Variants in TNRC6B observed in about 807,000 individuals in gnomAD.
TNRC6B encodes trinucleotide repeat containing adaptor 6B.
Under a neutral mutation model 203.6 loss-of-function variants are expected in TNRC6B, and 52 were observed. The observed-to-expected ratio is 0.26, with a 90% confidence interval of 0.20 to 0.32. The LOEUF (loss-of-function observed/expected upper bound fraction) is 0.32, where lower values mean the gene tolerates loss of function less well. TNRC6B is among the 10% of genes least tolerant of loss of function. The probability of loss-of-function intolerance (pLI) is 1.00; values close to 1 mark genes in which losing one functional copy is unlikely to be tolerated. For synonymous variants in TNRC6B, 838 were observed against 845.7 expected (o/e 0.99, Z 0.16); for missense variants, 1,923 against 2,286.2 (o/e 0.84, Z 3.24).
At chr22:40,128,102 A>T (rs947469880) in intron 3 of TNRC6B, among the ~76,000 whole-genome samples, 3 of 152,218 alleles carry the variant, frequency 2.0e-5, no homozygotes, top group Non-Finnish European at 4.4e-5. Context: ...ATAAGAGAAC[A>T]TTCTTTTTAT....
chr22:40,181,746 C>A (rs182883489), intron 1 of TNRC6B, among the ~76,000 whole-genome samples: 4 of 151,702 alleles, frequency 2.6e-5, no homozygotes, highest in Non-Finnish European at 5.9e-5. Flanking sequence ...TTGAGACCAG[C>A]CTGGGCAACA....
chr22:40,319,789 T>C (rs1309060134), intron 21 of TNRC6B, among the ~76,000 whole-genome samples: 2 of 152,192 alleles, frequency 1.3e-5, no homozygotes, highest in African/African-American at 2.4e-5. Flanking sequence ...GGTATGTATG[T>C]ATAGGAAAAA....
intron 1 of TNRC6B, among the ~76,000 whole-genome samples, chr22:40,190,055 T>C (rs371838537): frequency 2.6e-5 from 4 of 152,354 alleles, no homozygotes; most frequent in East Asian, 1.9e-4. Flanking sequence ...AACCACATCC[T>C]AATTATAGAC....
intron 1 of TNRC6B, among the ~76,000 whole-genome samples, chr22:40,065,994 C>G (rs2146275822): frequency 6.6e-6 from 1 of 152,258 alleles, no homozygotes; most frequent in African/African-American, 2.4e-5. Context: ...CTCAGAGGGT[C>G]TCCTACAGAT....
At chr22:40,173,474 CAGAT>C (rs1319322998), upstream of TNRC6B, among the ~76,000 whole-genome samples, 1 of 145,540 alleles carries the variant, frequency 6.9e-6, no homozygotes, top group Non-Finnish European at 1.5e-5. Flanking sequence ...AACAACAAAA[CAGAT>C]ATATATATAA....
chr22:40,158,493 C>T (rs1373580827), intron 4 of TNRC6B, among the ~76,000 whole-genome samples: 1 of 152,132 alleles, frequency 6.6e-6, no homozygotes, highest in Non-Finnish European at 1.5e-5. Context: ...ACAAACCAGT[C>T]TTTATCTTTA....
chr22:40,250,886 T>TGCAA (rs1310414433), intron 2 of TNRC6B, among the ~76,000 whole-genome samples: 5 of 151,948 alleles, frequency 3.3e-5, no homozygotes, highest in Non-Finnish European at 5.9e-5. Context: ...GCATTCAAAA[T>TGCAA]GCAAGTAGCA....
rs937439297 is a variant in TNRC6B, at chr22:40,322,904, A to T, written c.5165A>T (p.Glu1722Val). The change falls in exon 23 of 23, where the codon GAA (glutamate) becomes GTA (valine). Residue 1722 changes from glutamate (E) to valine (V), a missense_variant. Coordinates refer to ENST00000454349, the MANE Select transcript of TNRC6B (RefSeq NM_001162501.2). ...TILAEFATDDEVSRFLAQAQP... is the reference protein window; with the variant it reads ...TILAEFATDDVVSRFLAQAQP... ...CTTGCTGAGTTTGCCACTGATGATG[A>T]AGTCAGCCGCTTTCTGGCACAAGCT... 3.7e-6 allele frequency: 6 copies of T among 1,613,950 alleles called. No individual in the cohort carries two copies. Among genetic ancestry groups the T allele is most frequent in the Middle Eastern group, 1.6e-4 (1 of 6,062 alleles).
At chr22:40,251,079 G>C in intron 2 of TNRC6B, 100 bp from the exon 3 acceptor site, 1 of 988,774 alleles carries the variant, frequency 1.0e-6, no homozygotes, top group East Asian at 2.9e-5. Context: ...CTGTGTGCCT[G>C]ACAGCTTGGA....
chr22:40,170,333 A>ATATATAGTTTATATATATATTATG (rs1238111330), intron 4 of TNRC6B, among the ~76,000 whole-genome samples: 62 of 79,378 alleles, frequency 7.8e-4, no homozygotes, highest in South Asian at 2.3e-3. Context: ...TATATATATT[A>ATATATAGTTTATATATATATTATG]TATATAGTTT....
intron 3 of TNRC6B, among the ~76,000 whole-genome samples, chr22:40,131,488 C>T (rs999465162): frequency 6.6e-6 from 1 of 151,436 alleles, no homozygotes; most frequent in Admixed American, 6.6e-5. Flanking sequence ...TAGATCATTC[C>T]TGAATTATGC....
rs1488765839 is a variant in TNRC6B at position 40,333,514 on chromosome 22, C to T, written c.*10273C>T. The T allele has an allele frequency of 6.6e-6, 1 of 152,638 alleles. No homozygotes were observed. Among genetic ancestry groups the T allele is most frequent in the Non-Finnish European group, 1.5e-5 (1 of 68,060 alleles). The allele number at this position is 152,638 out of a possible 1,614,324, so 9.5% of individuals were successfully genotyped here. On this transcript the variant is annotated 3_prime_UTR_variant, in exon 23 of 23. Coordinates refer to ENST00000454349, the MANE Select transcript of TNRC6B (RefSeq NM_001162501.2). ...CCACACAATACCTGGAGCTCTCAAC[C>T]TTTCTTGGTTCAGACACACACATAC...
At chr22:40,183,693 G>A (rs1426387857) in intron 1 of TNRC6B, among the ~76,000 whole-genome samples, 1 of 151,210 alleles carries the variant, frequency 6.6e-6, no homozygotes, top group Non-Finnish European at 1.5e-5. Flanking sequence ...TTATTACTAG[G>A]TTGTTTTTTT....
intron 1 of TNRC6B, among the ~76,000 whole-genome samples, chr22:40,187,767 C>G (rs1012607296): frequency 6.6e-6 from 1 of 152,106 alleles, no homozygotes; most frequent in Non-Finnish European, 1.5e-5. Flanking sequence ...TACTTTTTGC[C>G]GACCTGGGCC....
intron 1 of TNRC6B, among the ~76,000 whole-genome samples, chr22:40,210,059 A>G (rs904198371): frequency 1.3e-5 from 2 of 150,696 alleles, no homozygotes; most frequent in African/African-American, 4.9e-5. Flanking sequence ...GAACACATGC[A>G]TACTTGGTGA....
intron 1 of TNRC6B, among the ~76,000 whole-genome samples, chr22:40,089,184 A>T (rs2068126987): frequency 6.6e-6 from 1 of 152,202 alleles, no homozygotes; most frequent in South Asian, 2.1e-4. Context: ...TACAAATATA[A>T]AATAAAAGAG....
intron 1 of TNRC6B, among the ~76,000 whole-genome samples, chr22:40,046,925 G>A (rs2067693669): frequency 6.6e-6 from 1 of 152,108 alleles, no homozygotes; most frequent in African/African-American, 2.4e-5. Context: ...GATTACAGGC[G>A]TGAGCCACCG....
In TNRC6B at chr22:40,074,090, G is replaced by A. The variant is rs1176038552; in HGVS notation, c.-121+29092G>A. ...ATCTCAAAAAAAAAAAAAAAAGCCAGATGTGATGGCCTGTGCCTGTAGTCC... is the reference window on the plus strand; with the variant it reads ...ATCTCAAAAAAAAAAAAAAAAGCCAAATGTGATGGCCTGTGCCTGTAGTCC... On this transcript the variant is annotated intron_variant, in intron 1 of 23. Transcript: ENST00000301923. 3.4e-5 allele frequency among the ~76,000 whole-genome samples: 5 copies of A among 147,834 alleles called. No homozygotes were observed. The East Asian group carries it at 9.8e-4, about 29-fold the overall frequency.
At chr22:40,243,893 A>G (rs909365549) in intron 1 of TNRC6B, among the ~76,000 whole-genome samples, 4 of 152,072 alleles carry the variant, frequency 2.6e-5, no homozygotes, top group Non-Finnish European at 4.4e-5. Context: ...CTAACATTGC[A>G]TTTTTTAAAG....
Sources: gnomAD v4.1 joint callset for allele counts (sites outside exome capture counted in the v4.1 genomes callset) on GRCh38, gnomAD v4.1.1 for gene constraint, MANE v1.5 for transcripts, NCBI Gene and HGNC (gene_info 2026-07-23, HGNC 2026-07-21) for gene names.